GALNT13: variants seen among roughly 807,000 people sequenced by gnomAD.
GALNT13 encodes the protein UDP-GalNAc:polypeptide N-acetylgalactosaminyltransferase 13.
GALNT13 carries 28 observed loss-of-function variants against 64.2 expected under a neutral mutation model. The ratio of observed to expected loss-of-function variants is 0.44; its 90% CI spans 0.32 to 0.60. GALNT13 has a LOEUF of 0.60. Ranked by LOEUF, GALNT13 falls within the 20% of genes least tolerant of loss-of-function variation. The probability of loss-of-function intolerance (pLI) is 0.05; values close to 1 mark genes in which losing one functional copy is unlikely to be tolerated. For missense variants in GALNT13, 577 were observed against 669.8 expected (o/e 0.86, Z 1.53); for synonymous variants, 214 against 224.6 (o/e 0.95, Z 0.42).
the GALNT13 span, among the ~76,000 whole-genome samples, chr2:153,572,248 C>T: frequency 4.0e-5 from 6 of 151,526 alleles, no homozygotes; most frequent in East Asian, 1.9e-4. Flanking sequence ...TCATAGTAAC[C>T]GCTAATGATC....
chr2:154,273,689 A>G (rs1333919146), intron 8 of GALNT13, among the ~76,000 whole-genome samples: 1 of 152,166 alleles, frequency 6.6e-6, no homozygotes, highest in East Asian at 1.9e-4. Flanking sequence ...TTACAGACAC[A>G]TGCTTTTCAA....
chr2:153,522,811 G>A, the GALNT13 span, among the ~76,000 whole-genome samples: 2 of 151,986 alleles, frequency 1.3e-5, no homozygotes, highest in Non-Finnish European at 2.9e-5. Context: ...GTGGCTTTTT[G>A]ATTCTCTTCA....
At chr2:153,527,583 A>T in the GALNT13 span, among the ~76,000 whole-genome samples, 10 of 152,150 alleles carry the variant, frequency 6.6e-5, no homozygotes, top group Non-Finnish European at 1.5e-4. Flanking sequence ...AATCACCTGA[A>T]TGTACAAAAA....
intron 3 of GALNT13, among the ~76,000 whole-genome samples, chr2:154,090,855 A>G (rs751690576): frequency 2.6e-5 from 4 of 151,992 alleles, no homozygotes; most frequent in Non-Finnish European, 5.9e-5. Flanking sequence ...CCGAATCTAC[A>G]GTATTGGGTA....
At chr2:154,213,046 A>G (rs1246731910) in intron 4 of GALNT13, among the ~76,000 whole-genome samples, 3 of 152,198 alleles carry the variant, frequency 2.0e-5, no homozygotes, top group South Asian at 2.1e-4. Flanking sequence ...AAGAGTGGCT[A>G]TATTTGCCTT....
chr2:153,309,008 G>T, the GALNT13 span, among the ~76,000 whole-genome samples: 1 of 152,062 alleles, frequency 6.6e-6, no homozygotes, highest in African/African-American at 2.4e-5. Flanking sequence ...TTTTCTGAAT[G>T]TTCAGCAATC....
chr2:153,484,571 C>T, the GALNT13 span, among the ~76,000 whole-genome samples: 1 of 152,222 alleles, frequency 6.6e-6, no homozygotes, highest in East Asian at 1.9e-4. Flanking sequence ...ATTTTTACTC[C>T]TATTTGTAAA....
intron 1 of GALNT13, among the ~76,000 whole-genome samples, chr2:153,900,388 G>T (rs917916481): frequency 2.0e-5 from 3 of 152,132 alleles, no homozygotes; most frequent in African/African-American, 7.2e-5. Context: ...GTGTATTTTT[G>T]TGGGGTATGC....
the GALNT13 span, among the ~76,000 whole-genome samples, chr2:153,287,180 G>C: frequency 3.9e-5 from 6 of 152,176 alleles, no homozygotes; most frequent in African/African-American, 1.4e-4. Context: ...ACGCGATGGG[G>C]GTGTGGCTCA....
intron 9 of GALNT13, among the ~76,000 whole-genome samples, chr2:154,346,563 G>A (rs1559103746): frequency 6.6e-6 from 1 of 151,928 alleles, no homozygotes; most frequent in Non-Finnish European, 1.5e-5. Flanking sequence ...CTTTTGCTTG[G>A]CTCTCATTTT....
At chr2:153,561,140 T>C in the GALNT13 span, among the ~76,000 whole-genome samples, 1 of 151,612 alleles carries the variant, frequency 6.6e-6, no homozygotes, top group East Asian at 1.9e-4. Flanking sequence ...CTAGCCAGTT[T>C]ACTAAACTCT....
chr2:153,786,511 A>C, the GALNT13 span, among the ~76,000 whole-genome samples: 4 of 151,498 alleles, frequency 2.6e-5, no homozygotes, highest in Non-Finnish European at 5.9e-5. Context: ...GCAGCACTTT[A>C]ATCCCTGCTG....
intron 9 of GALNT13, among the ~76,000 whole-genome samples, chr2:154,392,148 G>T (rs1383109873): frequency 6.6e-6 from 1 of 152,166 alleles, no homozygotes; most frequent in African/African-American, 2.4e-5. Context: ...AAACACAGGG[G>T]TTCTGTCTGT....
chr2:154,129,011 A>G (rs1447219721), intron 3 of GALNT13, among the ~76,000 whole-genome samples: 3 of 152,168 alleles, frequency 2.0e-5, no homozygotes, highest in Non-Finnish European at 4.4e-5. Context: ...TGCAAATCTT[A>G]CAAATATTTA....
intron 10 of GALNT13, among the ~76,000 whole-genome samples, chr2:154,399,043 G>A (rs1699180915): frequency 6.6e-6 from 1 of 152,066 alleles, no homozygotes; most frequent in African/African-American, 2.4e-5. Context: ...CCAACACTAA[G>A]GCTCACTTTT....
chr2:153,974,029 C>T (rs530980964), intron 3 of GALNT13, among the ~76,000 whole-genome samples: 1 of 152,096 alleles, frequency 6.6e-6, no homozygotes, highest in East Asian at 1.9e-4. Context: ...GAACTAGTTC[C>T]TGAAATTATC....
intron 3 of GALNT13, among the ~76,000 whole-genome samples, chr2:154,069,979 A>G (rs1458036739): frequency 1.3e-5 from 2 of 152,162 alleles, no homozygotes; most frequent in Non-Finnish European, 2.9e-5. Flanking sequence ...ATTAGAATGC[A>G]CTACTAAAAT....
the GALNT13 span, chr2:153,449,579 G>T: frequency 6.6e-6 from 1 of 152,246 alleles, no homozygotes; most frequent in Non-Finnish European, 1.5e-5. Flanking sequence ...CTCAACAATT[G>T]CGTTATCTAT....
chr2:154,317,051 A>G (rs914325863), intron 9 of GALNT13, among the ~76,000 whole-genome samples: 2 of 152,120 alleles, frequency 1.3e-5, no homozygotes, highest in Non-Finnish European at 2.9e-5. Context: ...CGACTCTACT[A>G]AAAATACAAA....
Sources: allele counts gnomAD v4.1 joint callset (sites outside exome capture counted in the v4.1 genomes callset), GRCh38; gene constraint gnomAD v4.1.1; transcripts MANE v1.5; gene names NCBI Gene and HGNC (gene_info 2026-07-23, HGNC 2026-07-21).